The following BAZ2B variants were observed in gnomAD, a reference collection of about 807,000 sequenced individuals.
BAZ2B encodes bromodomain adjacent to zinc finger domain protein 2B.
BAZ2B carries 91 observed loss-of-function variants against 246.0 expected under a neutral mutation model. That is an observed-to-expected ratio of 0.37 (90% CI 0.31 to 0.44). The LOEUF is 0.44. Ranked by LOEUF, BAZ2B falls within the 20% of genes least tolerant of loss-of-function variation. BAZ2B has a pLI of 1.00. For missense variants in BAZ2B, 2,332 were observed against 2,533.7 expected (o/e 0.92, Z 1.71); for synonymous variants, 855 against 860.0 (o/e 0.99, Z 0.10).
At chr2:159,320,528 G>T in intron 36 of BAZ2B, 110 bp from the exon 37 acceptor site, 1 of 863,790 alleles carries the variant, frequency 1.2e-6, no homozygotes, top group Non-Finnish European at 1.7e-6. Flanking sequence ...TAGGATAACT[G>T]CATTTAAATT....
At chr2:159,514,156 T>C (rs1045521808) in intron 2 of BAZ2B, among the ~76,000 whole-genome samples, 3 of 152,196 alleles carry the variant, frequency 2.0e-5, no homozygotes, top group East Asian at 3.8e-4. Flanking sequence ...TAAAATGCTA[T>C]GCAGTTTATT....
intron 12 of BAZ2B, 121 bp from the exon 13 acceptor site, chr2:159,428,163 G>A: frequency 5.4e-6 from 6 of 1,107,626 alleles, no homozygotes; most frequent in Non-Finnish European, 7.9e-6. Context: ...AAATTTATAG[G>A]AGATCAATTT....
chr2:159,423,864 G>A (rs928852963), intron 13 of BAZ2B, among the ~76,000 whole-genome samples: 7 of 152,148 alleles, frequency 4.6e-5, no homozygotes, highest in Non-Finnish European at 1.0e-4. Flanking sequence ...CTACTTGAGC[G>A]GGGAAAGTGG....
the BAZ2B span, among the ~76,000 whole-genome samples, chr2:159,635,389 C>A: frequency 1.3e-5 from 2 of 151,778 alleles, no homozygotes; most frequent in Non-Finnish European, 2.9e-5. Context: ...AATAACAAAA[C>A]CCAAAACAAA....
intron 18 of BAZ2B, 113 bp downstream of exon 18, chr2:159,398,716 A>G (rs1448787342): frequency 1.1e-6 from 1 of 922,814 alleles, no homozygotes; most frequent in African/African-American, 1.7e-5. Context: ...TCTGCTAAAC[A>G]TATTTTCAGA....
chr2:159,406,829 A>C (rs1024541871), intron 14 of BAZ2B, among the ~76,000 whole-genome samples: 4 of 151,480 alleles, frequency 2.6e-5, no homozygotes, highest in Non-Finnish European at 5.9e-5. Context: ...ATCTCGGCTC[A>C]CTGCAAGCTC....
the BAZ2B span, among the ~76,000 whole-genome samples, chr2:159,669,575 G>T: frequency 1.3e-5 from 2 of 151,958 alleles, no homozygotes; most frequent in East Asian, 3.9e-4. Context: ...TGTTTAAGTT[G>T]CTGTTACTCA....
rs2148703866 is a variant in BAZ2B at position 159,319,462 on chromosome 2, T to G, written c.*803A>C. 1 of 152,772 alleles carries G rather than the reference T, an allele frequency of 6.5e-6. No homozygotes were observed. The highest frequency in any genetic ancestry group is 2.4e-5 in the African/African-American group (1 of 41,578). The allele number at this position is 152,772 out of a possible 1,614,324, so 9.5% of individuals were successfully genotyped here. ...ACAGACTGTATAGCTATCATTACCT[T>G]CAGACGAAAATAAAATGCTACAATC... On this transcript the variant is annotated 3_prime_UTR_variant, in exon 37 of 37. Transcript: ENST00000392783. The surrounding 1 kb of genome is among the most constrained non-coding windows in gnomAD (Gnocchi z 4.0).
intron 13 of BAZ2B, among the ~76,000 whole-genome samples, chr2:159,425,953 G>A (rs968070822): frequency 2.0e-5 from 3 of 152,054 alleles, no homozygotes; most frequent in African/African-American, 7.2e-5. Flanking sequence ...TAATTAACTA[G>A]AACACTTTTT....
At chr2:159,485,388 T>G (rs775094775) in intron 2 of BAZ2B, among the ~76,000 whole-genome samples, 10 of 152,144 alleles carry the variant, frequency 6.6e-5, no homozygotes, top group Non-Finnish European at 1.0e-4. Flanking sequence ...TCATAAAATT[T>G]TTATTTACCT....
intron 2 of BAZ2B, among the ~76,000 whole-genome samples, chr2:159,487,784 G>GA (rs529108926): frequency 0.02 from 2,780 of 139,410 alleles, 25 homozygotes; most frequent in Middle Eastern, 0.036. Context: ...ATCAGATAAA[G>GA]AAAAAAAAAA....
intron 27 of BAZ2B, among the ~76,000 whole-genome samples, chr2:159,370,383 T>C (rs2060705980): frequency 7.1e-6 from 1 of 140,510 alleles, no homozygotes; most frequent in East Asian, 2.0e-4. Flanking sequence ...ACTACCTTTT[T>C]TTTTTTTTTT....
chr2:159,696,011 T>C, the BAZ2B span, among the ~76,000 whole-genome samples: 3 of 152,104 alleles, frequency 2.0e-5, no homozygotes, highest in South Asian at 2.1e-4. Context: ...TCCCCAACCT[T>C]AGCCTCCCAA....
At chr2:159,453,855 T>C in intron 3 of BAZ2B, 54 bp from the exon 4 acceptor site, 3 of 1,334,620 alleles carry the variant, frequency 2.2e-6, no homozygotes, top group Non-Finnish European at 3.0e-6. Context: ...AGATGAGACT[T>C]ATCTGATTTC....
At chr2:159,377,461 A>G (rs16843942) in intron 25 of BAZ2B, among the ~76,000 whole-genome samples, 14,792 of 152,226 alleles carry the variant, frequency 0.097, 746 homozygotes, top group Middle Eastern at 0.18. Context: ...ACTAACAAGG[A>G]TCTACCTTTG....
At chr2:159,335,637 G>A (rs1473883715) in intron 33 of BAZ2B, among the ~76,000 whole-genome samples, 1 of 151,806 alleles carries the variant, frequency 6.6e-6, no homozygotes, top group Non-Finnish European at 1.5e-5. Flanking sequence ...ATTCATAGAT[G>A]TTTTAGGAAG....
chr2:159,666,056 G>A, the BAZ2B span, among the ~76,000 whole-genome samples: 3 of 151,266 alleles, frequency 2.0e-5, no homozygotes, highest in Non-Finnish European at 4.4e-5. Context: ...TTTGTTAAAT[G>A]GGTCACGTTC....
rs142340755 is a variant in BAZ2B, at chr2:159,552,067, T to C, written c.-3+3756A>G. On this transcript the variant is annotated intron_variant, in intron 2 of 36. Coordinates refer to ENST00000392783, the MANE Select transcript of BAZ2B (RefSeq NM_013450.4). ...CAAGTCCATGTCCTTAACTATTATG[T>C]GCACTACTTTCCCACAAACTCTCTA... is the stretch of plus-strand genomic sequence containing the variant. Among the ~76,000 whole-genome samples, 14 of 152,312 alleles carry C rather than the reference T, an allele frequency of 9.2e-5. No homozygotes were observed. The East Asian group carries it at 2.7e-3, about 29-fold the overall frequency.
At chr2:159,363,749 A>C (rs73967825) in intron 27 of BAZ2B, among the ~76,000 whole-genome samples, 2,383 of 152,304 alleles carry the variant, frequency 0.016, 72 homozygotes, top group African/African-American at 0.054. Context: ...CTATTCAAAA[A>C]GTTAAAAGAC....
Sources: allele counts gnomAD v4.1 joint callset (sites outside exome capture counted in the v4.1 genomes callset), GRCh38; gene constraint gnomAD v4.1.1; non-coding constraint Gnocchi (gnomAD v3.1); transcripts MANE v1.5; gene names NCBI Gene and HGNC (gene_info 2026-07-23, HGNC 2026-07-21).